Variants in TNRC6B observed in about 807,000 individuals in gnomAD.
The protein encoded by TNRC6B is trinucleotide repeat-containing gene 6B protein.
Under a neutral mutation model 203.6 loss-of-function variants are expected in TNRC6B, and 52 were observed. That is an observed-to-expected ratio of 0.26 (90% CI 0.20 to 0.32). TNRC6B has a LOEUF of 0.32. Among genes scored for constraint, TNRC6B ranks in the 10% least tolerant of loss-of-function variants. The pLI, the probability that TNRC6B is intolerant of heterozygous loss-of-function variation, is 1.00. For synonymous variants in TNRC6B, 838 were observed against 845.7 expected (o/e 0.99, Z 0.16); for missense variants, 1,923 against 2,286.2 (o/e 0.84, Z 3.24).
At chr22:40,090,386 T>C (rs1357023722) in intron 1 of TNRC6B, among the ~76,000 whole-genome samples, 1 of 147,498 alleles carries the variant, frequency 6.8e-6, no homozygotes, top group Admixed American at 6.7e-5. Flanking sequence ...AATGGGTGTG[T>C]AGTGGCATCT....
intron 3 of TNRC6B, among the ~76,000 whole-genome samples, chr22:40,252,203 G>A (rs1251220538): frequency 2.6e-5 from 4 of 152,194 alleles, no homozygotes; most frequent in Non-Finnish European, 5.9e-5. Flanking sequence ...AATTAGGTAT[G>A]CATAAGAATC....
chr22:40,101,373 C>T (rs1308290120), intron 1 of TNRC6B, among the ~76,000 whole-genome samples: 2 of 152,160 alleles, frequency 1.3e-5, no homozygotes, highest in African/African-American at 2.4e-5. Context: ...ACATTGCCGG[C>T]GCCACCCCCA....
chr22:40,090,981 A>C (rs1332198881), intron 1 of TNRC6B, among the ~76,000 whole-genome samples: 1 of 152,002 alleles, frequency 6.6e-6, no homozygotes, highest in Non-Finnish European at 1.5e-5. Context: ...AATACCAATA[A>C]AGTTTTTTTT....
chr22:40,318,868 C>G (rs945516914), intron 21 of TNRC6B, among the ~76,000 whole-genome samples: 3 of 151,978 alleles, frequency 2.0e-5, no homozygotes, highest in African/African-American at 7.3e-5. Flanking sequence ...GTCAGGAGTT[C>G]CAGACCAGCC....
At chr22:40,121,506 G>T (rs2068445334) in intron 2 of TNRC6B, among the ~76,000 whole-genome samples, 1 of 152,176 alleles carries the variant, frequency 6.6e-6, no homozygotes, top group Non-Finnish European at 1.5e-5. Context: ...CTTAGGAAAA[G>T]CTGTGCCGGC....
chr22:40,235,721 T>G (rs1029032141), intron 1 of TNRC6B, among the ~76,000 whole-genome samples: 2 of 152,246 alleles, frequency 1.3e-5, no homozygotes, highest in African/African-American at 4.8e-5. Flanking sequence ...TGTGGCTATC[T>G]GTCTATTCCT....
chr22:40,260,008 G>C (rs550624012), intron 3 of TNRC6B, among the ~76,000 whole-genome samples: 1 of 152,268 alleles, frequency 6.6e-6, no homozygotes, highest in African/African-American at 2.4e-5. Flanking sequence ...ACAGATCTAA[G>C]AGAGCCTTCT....
At chr22:40,278,150 G>C (rs1164529650) in intron 9 of TNRC6B, 106 bp downstream of exon 9, 2 of 851,718 alleles carry the variant, frequency 2.3e-6, no homozygotes, top group Admixed American at 2.0e-5. Flanking sequence ...AGTAGACATT[G>C]ATTGAGCACT....
chr22:40,128,659 G>T (rs181974346), intron 3 of TNRC6B, among the ~76,000 whole-genome samples: 78 of 150,942 alleles, frequency 5.2e-4, no homozygotes, highest in Middle Eastern at 3.4e-3. Context: ...AAGTAGCTGG[G>T]ACCACAGGTG....
intron 1 of TNRC6B, among the ~76,000 whole-genome samples, chr22:40,063,104 G>A (rs1017891820): frequency 2.6e-5 from 4 of 152,044 alleles, no homozygotes; most frequent in Non-Finnish European, 5.9e-5. Context: ...TTTTGTGTAT[G>A]GTGTAGGGGA....
intron 1 of TNRC6B, among the ~76,000 whole-genome samples, chr22:40,065,484 A>G (rs1172610720): frequency 1.3e-4 from 20 of 152,164 alleles, no homozygotes; most frequent in South Asian, 4.1e-4. Context: ...AATTTAGTTT[A>G]TTATAGGCCT....
At position 40,323,750 on chromosome 22, in the gene TNRC6B, C is replaced by CG. The variant is rs1315018171; in HGVS notation, c.*511dup. The CG allele has an allele frequency of 6.8e-6, 1 of 147,236 alleles. No homozygotes were observed. The highest frequency in any genetic ancestry group is 1.5e-5 in the Non-Finnish European group (1 of 67,224). The allele number at this position is 147,236 out of a possible 1,614,324, so 9.1% of individuals were successfully genotyped here. A position where few individuals can be genotyped will look rare whatever the true frequency, so the allele number is the denominator to read the frequency against. On this transcript the variant is annotated 3_prime_UTR_variant, in exon 23 of 23. Transcript: ENST00000454349. ...GGGGGAGGGGGGAGGGAAGACTTGA[C>CG]GGAGCCTCACTTTAAAAACAAAAAC...
At chr22:40,175,880 G>A (rs1160397515), upstream of TNRC6B, among the ~76,000 whole-genome samples, 2 of 152,222 alleles carry the variant, frequency 1.3e-5, no homozygotes, top group Non-Finnish European at 2.9e-5. Context: ...CGTCATATCT[G>A]AGTGGAAAGA....
intron 1 of TNRC6B, among the ~76,000 whole-genome samples, chr22:40,097,669 TACACACACACACACACACACAC>T (rs6147625): frequency 6.6e-5 from 9 of 135,640 alleles, no homozygotes; most frequent in East Asian, 4.6e-4. Context: ...AGGTATATCA[TACACACACACACACACACACAC>T]ACACACACAC....
rs1346163800 is a variant in TNRC6B at position 40,335,711 on chromosome 22, T to G, written c.*12470T>G. ...TTATTTTGGAAAGATATGATTGTATTATGTGCAACTCAGTTGCTTACATTA... is the reference window on the plus strand; with the variant it reads ...TTATTTTGGAAAGATATGATTGTATGATGTGCAACTCAGTTGCTTACATTA... On this transcript the variant is annotated 3_prime_UTR_variant, in exon 23 of 23. Transcript: ENST00000454349. The G allele has an allele frequency of 6.7e-6, 1 of 149,682 alleles. No individual in the cohort carries two copies. The allele number at this position is 149,682 out of a possible 1,614,324, so 9.3% of individuals were successfully genotyped here.
intron 1 of TNRC6B, among the ~76,000 whole-genome samples, chr22:40,075,156 A>ATATATATATTTT: frequency 2.8e-5 from 1 of 35,568 alleles, no homozygotes; most frequent in African/African-American, 1.0e-4. Context: ...ATATATATAT[A>ATATATATATTTT]TTTTTTTTTT....
rs2044026927 is a variant in TNRC6B at position 40,335,765 on chromosome 22, A to AAAAAAAG, written c.*12530_*12531insGAAAAAA. On this transcript the variant is annotated 3_prime_UTR_variant, in exon 23 of 23. Transcript: ENST00000454349. The stretch of plus-strand genomic sequence containing the variant: ...CTACAAAATATTTTTGGGTTCCTGG[A>AAAAAAAG]AAAAAAAGAAAAAAGACTAATAAAT... 3.7e-3 allele frequency: 2 copies of AAAAAAAG among 542 alleles called. No individual in the cohort carries two copies. The highest frequency in any genetic ancestry group is 0.11 in the Admixed American group (2 of 18). The allele number at this position is 542 out of a possible 1,614,324, so 0.0% of individuals were successfully genotyped here. A position where few individuals can be genotyped will look rare whatever the true frequency, so the allele number is the denominator to read the frequency against.
chr22:40,304,676 A>C (rs1438859464), intron 15 of TNRC6B, among the ~76,000 whole-genome samples: 1 of 152,230 alleles, frequency 6.6e-6, no homozygotes, highest in Non-Finnish European at 1.5e-5. Context: ...GTTACCGTGG[A>C]TATCTGAACT....
At position 40,325,255 on chromosome 22, in the gene TNRC6B, T is replaced by A. The variant is rs529193285; in HGVS notation, c.*2014T>A. On this transcript the variant is annotated 3_prime_UTR_variant, in exon 23 of 23. Transcript: ENST00000454349. ...TTCAGTGAAGGATACAATACAACAA[T>A]GCCTAATGTATTTGACTTTTTAGCT... is the stretch of plus-strand genomic sequence containing the variant. 6.5e-6 allele frequency: 1 copy of A among 152,770 alleles called. No homozygotes were observed. Among genetic ancestry groups the A allele is most frequent in the Non-Finnish European group, 1.5e-5 (1 of 68,024 alleles). The allele number at this position is 152,770 out of a possible 1,614,324, so 9.5% of individuals were successfully genotyped here.
Sources: allele counts gnomAD v4.1 joint callset (sites outside exome capture counted in the v4.1 genomes callset), GRCh38; gene constraint gnomAD v4.1.1; transcripts MANE v1.5; gene names NCBI Gene and HGNC (gene_info 2026-07-23, HGNC 2026-07-21).